SH3GL3: variants seen among roughly 807,000 people sequenced by gnomAD.
SH3GL3 encodes endophilin-A3.
Under a neutral mutation model 47.7 loss-of-function variants are expected in SH3GL3, and 33 were observed. That is an observed-to-expected ratio of 0.69 (90% CI 0.52 to 0.92). SH3GL3 has a LOEUF of 0.92. Ranked by LOEUF, SH3GL3 falls within the 40% of genes least tolerant of loss-of-function variation. The pLI, the probability that SH3GL3 is intolerant of heterozygous loss-of-function variation, is 0.00. For synonymous variants in SH3GL3, 155 were observed against 148.8 expected, an observed-to-expected ratio of 1.04 and a Z score of -0.30; for missense variants, 363 against 417.8, an observed-to-expected ratio of 0.87 and a Z score of 1.14.
intron 1 of SH3GL3, among the ~76,000 whole-genome samples, chr15:83,471,614 T>C (rs1412130628): frequency 6.6e-6 from 1 of 152,200 alleles, no homozygotes; most frequent in East Asian, 1.9e-4. Context: ...CTATAAAAGT[T>C]CACTTCTCAT....
intron 4 of SH3GL3, among the ~76,000 whole-genome samples, chr15:83,568,902 CT>C (rs58463834): frequency 0.33 from 43,637 of 130,926 alleles, 7,050 homozygotes; most frequent in African/African-American, 0.4. Context: ...TGTTGTGTAT[CT>C]TTTTTTTTTT....
At chr15:83,559,217 AT>A in intron 1 of SH3GL3, 35 bp from the exon 2 acceptor site, 1 of 1,181,748 alleles carries the variant, frequency 8.5e-7, no homozygotes, top group Non-Finnish European at 1.3e-6. Flanking sequence ...ACAAGAAATC[AT>A]TGTACAATGC....
intron 1 of SH3GL3, among the ~76,000 whole-genome samples, chr15:83,478,563 G>A (rs2041201518): frequency 6.6e-6 from 1 of 152,218 alleles, no homozygotes; most frequent in Non-Finnish European, 1.5e-5. Context: ...TGTATCTCAA[G>A]TGCTTTATAT....
chr15:83,551,476 A>G (rs2044666678), intron 1 of SH3GL3, among the ~76,000 whole-genome samples: 1 of 152,152 alleles, frequency 6.6e-6, no homozygotes, highest in African/African-American at 2.4e-5. Context: ...GGGTTTTAGA[A>G]TGTAATTTTG....
intron 1 of SH3GL3, among the ~76,000 whole-genome samples, chr15:83,505,598 G>T (rs943514887): frequency 9.4e-5 from 14 of 148,772 alleles, no homozygotes; most frequent in Non-Finnish European, 5.9e-5. Flanking sequence ...TGCGATCTCG[G>T]CTCACTGCAA....
At chr15:83,502,433 C>G (rs2042333908) in intron 1 of SH3GL3, among the ~76,000 whole-genome samples, 2 of 152,238 alleles carry the variant, frequency 1.3e-5, no homozygotes, top group Admixed American at 1.3e-4. Context: ...TTCCTGGATT[C>G]AGCATGTGTC....
chr15:83,463,620 A>T (rs1200839162), intron 1 of SH3GL3, among the ~76,000 whole-genome samples: 1 of 152,142 alleles, frequency 6.6e-6, no homozygotes, highest in Admixed American at 6.5e-5. Context: ...GCTTGATGCC[A>T]TCAGCATGCA....
In SH3GL3 at chr15:83,613,996, T is replaced by C. The variant is rs187239135; in HGVS notation, c.839-4086T>C. 4.6e-5 allele frequency among the ~76,000 whole-genome samples: 7 copies of C among 152,312 alleles called. No individual in the cohort carries two copies. The East Asian group carries it at 1.3e-3, about 29-fold the overall frequency. On this transcript the variant is annotated intron_variant, in intron 8 of 8. Transcript: ENST00000427482. Reference sequence around the variant, plus strand: ...ACCCCTTCTCTGTTAAAAACTAGTCTAGTAGTGGGAGAAATGCTAAAAGAA... The same window carrying C: ...ACCCCTTCTCTGTTAAAAACTAGTCCAGTAGTGGGAGAAATGCTAAAAGAA...
At chr15:83,564,121 T>G (rs1028148776) in intron 2 of SH3GL3, among the ~76,000 whole-genome samples, 1 of 152,240 alleles carries the variant, frequency 6.6e-6, no homozygotes, top group Non-Finnish European at 1.5e-5. Context: ...CACTCCAGTA[T>G]TTCAAAATAC....
At chr15:83,502,749 G>A (rs770078482) in intron 1 of SH3GL3, among the ~76,000 whole-genome samples, 1 of 152,150 alleles carries the variant, frequency 6.6e-6, no homozygotes, top group African/African-American at 2.4e-5. Flanking sequence ...ATATTTTGTT[G>A]AGGGGGTTTC....
intron 8 of SH3GL3, among the ~76,000 whole-genome samples, chr15:83,605,822 A>G (rs1328351815): frequency 6.6e-6 from 1 of 152,080 alleles, no homozygotes; most frequent in Non-Finnish European, 1.5e-5. Flanking sequence ...TCTGTCCCCA[A>G]AGAGAAAAGG....
intron 8 of SH3GL3, among the ~76,000 whole-genome samples, chr15:83,617,666 ACT>A (rs2060860869): frequency 6.6e-6 from 1 of 152,104 alleles, no homozygotes; most frequent in Non-Finnish European, 1.5e-5. Context: ...ACAGAGCAAG[ACT>A]CTGTCTCAAA....
intron 4 of SH3GL3, among the ~76,000 whole-genome samples, chr15:83,570,659 A>G (rs1177149191): frequency 3.9e-5 from 6 of 152,220 alleles, no homozygotes; most frequent in Non-Finnish European, 7.3e-5. Context: ...GATGGAAGAG[A>G]TGGAAGTTGA....
chr15:83,547,993 A>T (rs62027550), intron 1 of SH3GL3, among the ~76,000 whole-genome samples: 18,395 of 151,786 alleles, frequency 0.12, 1,244 homozygotes, highest in Middle Eastern at 0.19. Flanking sequence ...CTACTCTAGT[A>T]GCTTGCTAGT....
chr15:83,602,891 G>A (rs1246021808), intron 8 of SH3GL3, among the ~76,000 whole-genome samples: 1 of 152,148 alleles, frequency 6.6e-6, no homozygotes, highest in Non-Finnish European at 1.5e-5. Flanking sequence ...GGCTTTGGAG[G>A]GCTACCTTCT....
At chr15:83,626,150 A>G in the SH3GL3 span, among the ~76,000 whole-genome samples, 5 of 152,142 alleles carry the variant, frequency 3.3e-5, no homozygotes, top group African/African-American at 1.2e-4. Context: ...GTTTTTAAAC[A>G]CTGTGTGACT....
chr15:83,511,627 T>A (rs1362015421), intron 1 of SH3GL3, among the ~76,000 whole-genome samples: 1 of 152,206 alleles, frequency 6.6e-6, no homozygotes, highest in Non-Finnish European at 1.5e-5. Context: ...GGGTATTTAC[T>A]GCTTATGAAA....
At chr15:83,571,654 C>T (rs969800976) in intron 4 of SH3GL3, among the ~76,000 whole-genome samples, 1 of 152,064 alleles carries the variant, frequency 6.6e-6, no homozygotes, top group Admixed American at 6.5e-5. Context: ...ATGCCCTCAC[C>T]TGGTGGGTGA....
At chr15:83,514,135 C>A (rs989846476) in intron 1 of SH3GL3, among the ~76,000 whole-genome samples, 2 of 152,126 alleles carry the variant, frequency 1.3e-5, no homozygotes, top group Admixed American at 1.3e-4. Flanking sequence ...TAGAGTTTGG[C>A]ATAATATTAT....
Sources: gnomAD v4.1 joint callset for allele counts (sites outside exome capture counted in the v4.1 genomes callset) on GRCh38, gnomAD v4.1.1 for gene constraint, MANE v1.5 for transcripts, NCBI Gene and HGNC (gene_info 2026-07-23, HGNC 2026-07-21) for gene names.